AQR: variants seen among roughly 807,000 people sequenced by gnomAD.
AQR encodes the protein aquarius intron-binding spliceosomal factor.
AQR carries 61 observed loss-of-function variants against 180.5 expected under a neutral mutation model. That is an observed-to-expected ratio of 0.34 (90% CI 0.28 to 0.42). AQR has a LOEUF of 0.42. Among genes scored for constraint, AQR ranks in the 10% least tolerant of loss-of-function variants. The pLI is 1.00. For synonymous variants in AQR, 551 were observed against 588.8 expected (o/e 0.94, Z 0.93); for missense variants, 1,281 against 1,798.3 (o/e 0.71, Z 5.20).
intron 1 of AQR, among the ~76,000 whole-genome samples, chr15:34,967,589 A>G (rs995501599): frequency 1.3e-5 from 2 of 152,000 alleles, no homozygotes; most frequent in Admixed American, 6.6e-5. Flanking sequence ...AGGTGGGGAG[A>G]AAAAAAATGA....
At chr15:34,960,602 G>T (rs2050270050) in intron 3 of AQR, among the ~76,000 whole-genome samples, 172 bp downstream of exon 3, 1 of 151,984 alleles carries the variant, frequency 6.6e-6, no homozygotes, top group Admixed American at 6.6e-5. Context: ...AAGTTAGAAG[G>T]CAAAAAATAA....
intron 5 of AQR, among the ~76,000 whole-genome samples, chr15:34,946,818 C>G (rs1269590429): frequency 2.7e-5 from 4 of 149,312 alleles, no homozygotes; most frequent in South Asian, 2.1e-4. Context: ...GGCGTCTCTG[C>G]CCGGCCGCCC....
intron 4 of AQR, among the ~76,000 whole-genome samples, chr15:34,951,688 A>AAAAAAAC (rs1894236251): frequency 6.6e-6 from 1 of 151,218 alleles, no homozygotes; most frequent in African/African-American, 2.4e-5. Context: ...AAAAAAAAAA[A>AAAAAAAC]TTCACTGTCA....
At chr15:34,892,453 A>G (rs1893164845) in intron 23 of AQR, among the ~76,000 whole-genome samples, 1 of 152,220 alleles carries the variant, frequency 6.6e-6, no homozygotes, top group South Asian at 2.1e-4. Context: ...ATAGCAATTT[A>G]ATTTAATCCA....
intron 27 of AQR, among the ~76,000 whole-genome samples, chr15:34,880,062 A>C (rs1892948474): frequency 6.6e-6 from 1 of 152,232 alleles, no homozygotes; most frequent in African/African-American, 2.4e-5. Context: ...CAGAACAAAA[A>C]TGTAAAACAA....
chr15:34,948,217 C>T (rs1566995652), intron 5 of AQR, 47 bp downstream of exon 5: 2 of 1,603,430 alleles, frequency 1.2e-6, no homozygotes, highest in Non-Finnish European at 1.7e-6. Flanking sequence ...TTTGTAATGG[C>T]TTATGTGGGT....
intron 4 of AQR, among the ~76,000 whole-genome samples, chr15:34,950,044 CCTTTCGTATTT>C (rs1169604502): frequency 6.8e-6 from 1 of 146,886 alleles, no homozygotes; most frequent in Non-Finnish European, 1.5e-5. Flanking sequence ...ACCTTATTTT[CCTTTCGTATTT>C]TTCATTTTTA....
intron 24 of AQR, among the ~76,000 whole-genome samples, chr15:34,889,324 G>T (rs914246420): frequency 6.6e-6 from 1 of 152,128 alleles, no homozygotes; most frequent in Non-Finnish European, 1.5e-5. Flanking sequence ...TATAATACAA[G>T]AACTCAAAAT....
At chr15:34,927,555 C>A (rs1448210360) in intron 12 of AQR, among the ~76,000 whole-genome samples, 17 of 152,190 alleles carry the variant, frequency 1.1e-4, no homozygotes, top group Admixed American at 1.1e-3. Context: ...TATGCTTGTG[C>A]CTTGCTTTTG....
chr15:34,945,956 A>G (rs749506406), intron 5 of AQR, among the ~76,000 whole-genome samples: 4 of 152,224 alleles, frequency 2.6e-5, no homozygotes, highest in Non-Finnish European at 5.9e-5. Flanking sequence ...TCTAAAAGGA[A>G]AAATAGATCC....
At chr15:34,935,926 TAA>T (rs2140494303) in intron 9 of AQR, among the ~76,000 whole-genome samples, 1 of 152,322 alleles carries the variant, frequency 6.6e-6, no homozygotes, top group Admixed American at 6.5e-5. Context: ...TTTCCCAAAC[TAA>T]AAGAGTGAGC....
At chr15:34,903,021 G>A (rs894852195) in intron 19 of AQR, among the ~76,000 whole-genome samples, 1 of 152,074 alleles carries the variant, frequency 6.6e-6, no homozygotes, top group African/African-American at 2.4e-5. Context: ...ATGATGAGAA[G>A]GGAAGATGCT....
chr15:34,857,155 T>C, intron 34 of AQR, 49 bp from the exon 35 acceptor site: 2 of 1,484,180 alleles, frequency 1.3e-6, no homozygotes, highest in Admixed American at 2.4e-5. Context: ...AAAAACAGCT[T>C]ATAAAGCTAA....
intron 8 of AQR, among the ~76,000 whole-genome samples, chr15:34,939,534 G>A (rs1249368043): frequency 4.6e-5 from 7 of 152,106 alleles, no homozygotes; most frequent in Admixed American, 3.3e-4. Flanking sequence ...GTATAATAGA[G>A]TATTACAATA....
rs759634399 is a variant in AQR, at chr15:34,860,189, G to C, written c.4030-34C>G. The stretch of plus-strand genomic sequence containing the variant: ...AGGAAAAAAGAACGTTAAGTATCTA[G>C]TAAAACAACCCTAGAAGGTAACACT... On this transcript the variant is annotated intron_variant, in intron 33 of 34. Coordinates refer to ENST00000156471, the MANE Select transcript of AQR (RefSeq NM_014691.3). The C allele has an allele frequency of 3.4e-6, 4 of 1,160,978 alleles. No individual in the cohort carries two copies. In the South Asian group the frequency reaches 6.7e-5, roughly 20 times the overall value. 71.9% of individuals were successfully genotyped at this position (1,160,978 alleles called of 1,614,324 possible).
chr15:34,881,044 T>G (rs1235971453), intron 27 of AQR, among the ~76,000 whole-genome samples: 1 of 152,188 alleles, frequency 6.6e-6, no homozygotes, highest in Non-Finnish European at 1.5e-5. Flanking sequence ...AAATGACTAC[T>G]GAAAGTTTGA....
chr15:34,938,853 A>G (rs74865794), intron 8 of AQR, 40 bp from the exon 9 acceptor site: 5 of 1,406,550 alleles, frequency 3.6e-6, no homozygotes, highest in East Asian at 2.3e-5. Context: ...TTTTTGAAGA[A>G]TAGTCATTTC....
At chr15:34,884,913 A>C (rs1293187783) in intron 25 of AQR, among the ~76,000 whole-genome samples, 179 bp from the exon 26 acceptor site, 4 of 152,210 alleles carry the variant, frequency 2.6e-5, no homozygotes, top group Admixed American at 6.5e-5. Context: ...CTTCTGTTAT[A>C]AAAGTAACCT....
chr15:34,883,682 A>G (rs1893009979), intron 26 of AQR, among the ~76,000 whole-genome samples: 2 of 152,128 alleles, frequency 1.3e-5, no homozygotes, highest in African/African-American at 2.4e-5. Context: ...TGTAATCCTA[A>G]ATTTTCTTAC....
Sources: gnomAD v4.1 joint callset for allele counts (sites outside exome capture counted in the v4.1 genomes callset) on GRCh38, gnomAD v4.1.1 for gene constraint, MANE v1.5 for transcripts, NCBI Gene and HGNC (gene_info 2026-07-23, HGNC 2026-07-21) for gene names.